The following PDXDC1 variants were observed in gnomAD, a reference collection of about 807,000 sequenced individuals.
PDXDC1 encodes the protein pyridoxal dependent decarboxylase domain containing 1.
In PDXDC1, 42 loss-of-function variants were observed where a neutral mutation model predicts 100.1. The ratio of observed to expected loss-of-function variants is 0.42; its 90% confidence interval spans 0.33 to 0.54. The LOEUF (loss-of-function observed/expected upper bound fraction) is 0.54, where lower values mean the gene tolerates loss of function less well. PDXDC1 is among the 20% of genes least tolerant of loss of function. The pLI is 0.10. For missense variants in PDXDC1, 636 were observed against 979.2 expected (o/e 0.65, Z 4.68); for synonymous variants, 260 against 371.7 (o/e 0.70, Z 3.46).
At chr16:15,085,794 T>C (rs1483877762) in intron 16 of PDXDC1, 1 of 1,507,994 alleles carries the variant, frequency 6.6e-7, no homozygotes, top group South Asian at 1.2e-5. Flanking sequence ...TGAACAGCTA[T>C]AAAAAAAGTT....
At chr16:15,150,052 T>C in the PDXDC1 span, among the ~76,000 whole-genome samples, 1 of 151,778 alleles carries the variant, frequency 6.6e-6, no homozygotes, top group African/African-American at 2.4e-5. Context: ...CTAGACATCA[T>C]CGGACATTTA....
intron 16 of PDXDC1, among the ~76,000 whole-genome samples, chr16:15,103,896 T>C (rs1203857700): frequency 4.3e-5 from 2 of 46,928 alleles, no homozygotes; most frequent in Non-Finnish European, 8.9e-5. Flanking sequence ...AGGAAGAAGA[T>C]AGAAATGGCA....
chr16:14,999,528 G>A (rs1972706930), intron 3 of PDXDC1, among the ~76,000 whole-genome samples: 3 of 152,210 alleles, frequency 2.0e-5, no homozygotes, highest in Non-Finnish European at 2.9e-5. Flanking sequence ...GAACAACATG[G>A]CGAGACCCTA....
At chr16:15,094,402 C>T in intron 16 of PDXDC1, 1 of 643,204 alleles carries the variant, frequency 1.6e-6, no homozygotes, top group Non-Finnish European at 2.7e-6. Flanking sequence ...GAAACCCGCT[C>T]CTCGTTCTAC....
intron 16 of PDXDC1, among the ~76,000 whole-genome samples, chr16:15,057,464 C>T (rs189231512): frequency 4.3e-4 from 65 of 152,276 alleles, no homozygotes; most frequent in African/African-American, 1.4e-3. Flanking sequence ...AGTAGTAGAA[C>T]GAAGACTGAA....
At chr16:15,147,840 C>T in the PDXDC1 span, among the ~76,000 whole-genome samples, 1 of 151,986 alleles carries the variant, frequency 6.6e-6, no homozygotes, top group Non-Finnish European at 1.5e-5. Flanking sequence ...AGGCGCCCAC[C>T]ACCACACCTC....
chr16:15,072,769 A>G (rs1347451148), intron 16 of PDXDC1, among the ~76,000 whole-genome samples: 1 of 152,188 alleles, frequency 6.6e-6, no homozygotes, highest in African/African-American at 2.4e-5. Context: ...CTGTGTCTCA[A>G]AAAAGAAAGG....
At chr16:15,131,534 C>G in intron 16 of PDXDC1, 1 of 1,609,294 alleles carries the variant, frequency 6.2e-7, no homozygotes, top group Non-Finnish European at 8.5e-7. Context: ...ACGATCTCCT[C>G]GCCCGCCAGT....
intron 16 of PDXDC1, among the ~76,000 whole-genome samples, chr16:15,077,058 C>A (rs2045490458): frequency 6.6e-6 from 1 of 151,718 alleles, no homozygotes; most frequent in Admixed American, 6.6e-5. Context: ...CGGCTCACCG[C>A]AAACTCCGCC....
chr16:15,119,541 C>A (rs2151888924), intron 16 of PDXDC1, among the ~76,000 whole-genome samples: 1 of 149,700 alleles, frequency 6.7e-6, no homozygotes, highest in Admixed American at 6.7e-5. Flanking sequence ...GCCTCAGCCT[C>A]CCGAGCAGCT....
chr16:15,062,795 G>T (rs2044766650), intron 16 of PDXDC1, among the ~76,000 whole-genome samples: 1 of 152,326 alleles, frequency 6.6e-6, no homozygotes, highest in East Asian at 1.9e-4. Flanking sequence ...AAAAGCCATA[G>T]ACTCTTTAAA....
At chr16:15,096,579 T>G (rs1398918218) in intron 16 of PDXDC1, among the ~76,000 whole-genome samples, 1 of 152,252 alleles carries the variant, frequency 6.6e-6, no homozygotes, top group East Asian at 1.9e-4. Flanking sequence ...ACAAAGATAC[T>G]TCAAGATAAC....
At chr16:15,148,664 G>A in the PDXDC1 span, among the ~76,000 whole-genome samples, 10 of 151,636 alleles carry the variant, frequency 6.6e-5, no homozygotes, top group Non-Finnish European at 8.8e-5. Flanking sequence ...GATTCCAGGC[G>A]TGAGTGACCC....
chr16:15,128,730 G>A (rs1320350940), intron 16 of PDXDC1, among the ~76,000 whole-genome samples: 16 of 151,738 alleles, frequency 1.1e-4, no homozygotes, highest in South Asian at 2.1e-4. Context: ...CCACACACCC[G>A]TCCCTCAGTT....
At chr16:15,079,596 C>T (rs1394957567) in intron 16 of PDXDC1, among the ~76,000 whole-genome samples, 3 of 143,048 alleles carry the variant, frequency 2.1e-5, no homozygotes, top group East Asian at 4.1e-4. Context: ...GGTTTCTTTT[C>T]TTTTTTTTTT....
intron 16 of PDXDC1, among the ~76,000 whole-genome samples, chr16:15,124,578 G>A (rs945006892): frequency 1.3e-4 from 20 of 149,952 alleles, no homozygotes; most frequent in African/African-American, 4.6e-4. Context: ...TTCCAGACCA[G>A]CCTGGCCAAT....
chr16:15,100,569 T>C (rs189440293), intron 16 of PDXDC1, among the ~76,000 whole-genome samples: 8 of 152,288 alleles, frequency 5.3e-5, no homozygotes, highest in Non-Finnish European at 1.0e-4. Context: ...ATCCCTGGCC[T>C]CTACCCAGTA....
At chr16:15,140,153 A>C (rs976468640), downstream of PDXDC1, among the ~76,000 whole-genome samples, 1 of 149,490 alleles carries the variant, frequency 6.7e-6, no homozygotes, top group Non-Finnish European at 1.5e-5. Flanking sequence ...AGAAAAGGAG[A>C]AGGGGAAAGA....
chr16:15,020,611 C>T (rs1487827328), intron 12 of PDXDC1, among the ~76,000 whole-genome samples: 2 of 151,172 alleles, frequency 1.3e-5, no homozygotes, highest in Non-Finnish European at 2.9e-5. Flanking sequence ...ATGGCGTGAA[C>T]CCAGAAGGCG....
Sources: gnomAD v4.1 joint callset for allele counts (sites outside exome capture counted in the v4.1 genomes callset) on GRCh38, gnomAD v4.1.1 for gene constraint, MANE v1.5 for transcripts, NCBI Gene and HGNC (gene_info 2026-07-23, HGNC 2026-07-21) for gene names.